The following DGKE variants were observed in gnomAD, a reference collection of about 807,000 sequenced individuals.
DGKE encodes DAG kinase epsilon.
Under a neutral mutation model 70.0 loss-of-function variants are expected in DGKE, and 53 were observed. The ratio of observed to expected loss-of-function variants is 0.76; its 90% CI spans 0.61 to 0.95. DGKE has a LOEUF of 0.95. Ranked by LOEUF, DGKE falls within the 40% of genes least tolerant of loss-of-function variation. The probability of loss-of-function intolerance (pLI) is 0.00; values close to 1 mark genes in which losing one functional copy is unlikely to be tolerated. For missense variants in DGKE, 655 were observed against 706.9 expected, an observed-to-expected ratio of 0.93 and a Z score of 0.83; for synonymous variants, 291 against 257.0, an observed-to-expected ratio of 1.13 and a Z score of -1.27.
intron 9 of DGKE, among the ~76,000 whole-genome samples, chr17:56,861,486 A>C (rs1009123396): frequency 1.3e-5 from 2 of 152,210 alleles, no homozygotes; most frequent in African/African-American, 4.8e-5. Context: ...AAAGGGAAAG[A>C]AGATTTTAGG....
At position 56,866,403 on chromosome 17, in the gene DGKE, C is replaced by T. The variant is rs1908526598; in HGVS notation, c.*3612C>T. 6.6e-6 allele frequency: 1 copy of T among 152,238 alleles called. No homozygotes were observed. The allele number at this position is 152,238 out of a possible 1,614,324, so 9.4% of individuals were successfully genotyped here. ...ATACTGAAATTTGAAAGCTTCTGGT[C>T]TGAACCTCATGTATTCACCTAGGGC... On this transcript the variant is annotated 3_prime_UTR_variant, in exon 12 of 12. Transcript: ENST00000284061.
rs1567821293 is a variant in DGKE at position 56,856,505 on chromosome 17, C to G, written c.1099-7C>G. The G allele has an allele frequency of 6.2e-7, 1 of 1,611,418 alleles. No individual in the cohort carries two copies. ...AGTCTGTTGCTTATTCTTACCCTTTCTCACAGGAATTCACAATGAACAACT... is the reference window on the plus strand; with the variant it reads ...AGTCTGTTGCTTATTCTTACCCTTTGTCACAGGAATTCACAATGAACAACT... On this transcript the variant is annotated splice_polypyrimidine_tract_variant and splice_region_variant and intron_variant, in intron 7 of 11. Coordinates refer to ENST00000284061, the MANE Select transcript of DGKE (RefSeq NM_003647.3).
intron 8 of DGKE, 52 bp downstream of exon 8, chr17:56,856,677 A>G (rs1907970469): frequency 1.3e-6 from 2 of 1,552,290 alleles, no homozygotes; most frequent in East Asian, 2.3e-5. Flanking sequence ...TACAGTAAAA[A>G]TCAATAGTTC....
At chr17:56,836,422 G>T (rs1906626076) in intron 2 of DGKE, 1 of 152,200 alleles carries the variant, frequency 6.6e-6, no homozygotes, top group Non-Finnish European at 1.5e-5. Flanking sequence ...TCTGGCATCA[G>T]TGAGAGCCAA....
At chr17:56,861,975 T>G (rs1908321441) in intron 10 of DGKE, 57 bp downstream of exon 10, 1 of 1,552,790 alleles carries the variant, frequency 6.4e-7, no homozygotes, top group Non-Finnish European at 8.7e-7. Context: ...AGCAATCTCT[T>G]GTTTATAGAC....
intron 7 of DGKE, among the ~76,000 whole-genome samples, chr17:56,856,115 T>C (rs1042888765): frequency 1.3e-5 from 2 of 151,704 alleles, no homozygotes; most frequent in Non-Finnish European, 2.9e-5. Context: ...CAGGCCGCAC[T>C]GGGAAGTAAG....
chr17:56,845,864 A>G (rs1256846893), intron 4 of DGKE, 55 bp downstream of exon 4: 6 of 1,490,142 alleles, frequency 4.0e-6, no homozygotes, highest in East Asian at 2.4e-5. Context: ...CCAAAATGCA[A>G]TGATTATTAA....
At chr17:56,858,272 C>G (rs1018530319) in intron 8 of DGKE, among the ~76,000 whole-genome samples, 3 of 152,098 alleles carry the variant, frequency 2.0e-5, no homozygotes, top group African/African-American at 7.2e-5. Flanking sequence ...ATGTAAAATA[C>G]AAATGATGCC....
chr17:56,834,698 G>A, intron 1 of DGKE, 80 bp from the exon 2 acceptor site: 4 of 1,378,178 alleles, frequency 2.9e-6, no homozygotes, highest in East Asian at 2.3e-5. Flanking sequence ...AGGGCGCCCG[G>A]TTTGGCCCCG....
intron 5 of DGKE, 58 bp from the exon 6 acceptor site, chr17:56,848,638 A>G (rs1907456560): frequency 1.3e-6 from 2 of 1,567,034 alleles, no homozygotes; most frequent in Non-Finnish European, 1.7e-6. Context: ...TTTACAAAAT[A>G]TTATTACCCA....
At chr17:56,844,242 G>C (rs894043441) in intron 3 of DGKE, 64 bp downstream of exon 3, 5 of 1,139,134 alleles carry the variant, frequency 4.4e-6, no homozygotes, top group Non-Finnish European at 6.0e-6. Context: ...CATTGTTTGA[G>C]ATAGTTAAGA....
Position 56,834,926 on chromosome 17 carries a change from G to A in DGKE, c.131G>A (p.Arg44Gln), listed in dbSNP as rs781507429. Residue 44 changes from arginine (R) to glutamine (Q), a missense_variant, in exon 2 of 12, where the codon CGG (arginine) becomes CAG (glutamine). By Grantham distance (43) the Arg-to-Gln change is conservative. Transcript: ENST00000284061. ...ATCACCTTCTGGTGTAGCCTCCAGC[G>A]GTCGCGCCGGCAGCTGCACCGCAGG... ...VFITFWCSLQ[R>Q]SRRQLHRRDI... The A allele has an allele frequency of 2.5e-6, 4 of 1,613,386 alleles. No homozygotes were observed. In the African/African-American group the frequency reaches 4.0e-5, roughly 16 times the overall value.
At chr17:56,844,823 TTATG>T (rs1352626312) in intron 3 of DGKE, among the ~76,000 whole-genome samples, 4 of 152,184 alleles carry the variant, frequency 2.6e-5, no homozygotes, top group Admixed American at 6.5e-5. Flanking sequence ...CTCTCAGTCT[TTATG>T]TAGCTCTTAA....
intron 7 of DGKE, among the ~76,000 whole-genome samples, chr17:56,851,153 C>T (rs1246994939): frequency 2.0e-5 from 3 of 152,056 alleles, no homozygotes; most frequent in African/African-American, 2.4e-5. Flanking sequence ...ACTCAGAGAG[C>T]AGTAGTATAG....
In DGKE at chr17:56,848,768, G is replaced by T. The variant is rs774867964; in HGVS notation, c.961G>T (p.Gly321Cys). Residue 321 changes from glycine (G) to cysteine (C), a missense_variant, in exon 6 of 12, where the codon GGT becomes TGT. By Grantham distance (159) the Gly-to-Cys change is radical (BLOSUM62 -3). Coordinates refer to ENST00000284061, the MANE Select transcript of DGKE (RefSeq NM_003647.3). ...GTGNDLSNTL[G>C]WGTGYAGEIP... ...AGGCAACGATCTATCCAATACATTG[G>T]GTTGGGGTACAGGTTATGCTGGAGA... 1 of 1,614,066 alleles carries T rather than the reference G, an allele frequency of 6.2e-7. No homozygotes were observed.
rs1339606964 is a variant in DGKE, at chr17:56,866,287, C to T, written c.*3496C>T. 1 of 152,188 alleles carries T rather than the reference C, an allele frequency of 6.6e-6. No homozygotes were observed. Among genetic ancestry groups the T allele is most frequent in the Admixed American group, 6.5e-5 (1 of 15,274 alleles). 9.4% of individuals were successfully genotyped at this position (152,188 alleles called of 1,614,324 possible). A position where few individuals can be genotyped will look rare whatever the true frequency, so the allele number is the denominator to read the frequency against. On this transcript the variant is annotated 3_prime_UTR_variant, in exon 12 of 12. Transcript: ENST00000284061. ...GCTGTTGAAAGTATGGATTCCTGAG[C>T]CCAACCCTTAACTTAATGATTCCCT...
chr17:56,844,368 A>G (rs1907167899), intron 3 of DGKE, among the ~76,000 whole-genome samples, 190 bp downstream of exon 3: 1 of 152,206 alleles, frequency 6.6e-6, no homozygotes. Flanking sequence ...TAGTTCCTAG[A>G]GATGGGTCAA....
intron 2 of DGKE, among the ~76,000 whole-genome samples, chr17:56,843,741 T>A (rs1431519949): frequency 6.9e-6 from 1 of 145,752 alleles, no homozygotes; most frequent in Non-Finnish European, 1.5e-5. Flanking sequence ...GAGGTTGCGG[T>A]GAGCTGAGAT....
At position 56,864,252 on chromosome 17, in the gene DGKE, G is replaced by A. The variant is rs983444019; in HGVS notation, c.*1461G>A. Reference sequence around the variant, plus strand: ...TTCTGACACATGGCCCAGGCTTTGTGGTCTTTCATGACATTAATCTCTGAA... The same window carrying A: ...TTCTGACACATGGCCCAGGCTTTGTAGTCTTTCATGACATTAATCTCTGAA... On this transcript the variant is annotated 3_prime_UTR_variant, in exon 12 of 12. Coordinates refer to ENST00000284061, the MANE Select transcript of DGKE (RefSeq NM_003647.3). 3 of 152,088 alleles carry A rather than the reference G, an allele frequency of 2.0e-5. No individual in the cohort carries two copies. 9.4% of individuals were successfully genotyped at this position (152,088 alleles called of 1,614,324 possible). A position where few individuals can be genotyped will look rare whatever the true frequency, so the allele number is the denominator to read the frequency against.
Sources: allele counts gnomAD v4.1 joint callset (sites outside exome capture counted in the v4.1 genomes callset), GRCh38; gene constraint gnomAD v4.1.1; transcripts MANE v1.5; gene names NCBI Gene and HGNC (gene_info 2026-07-23, HGNC 2026-07-21).